Variants in PCDHA6 observed in about 807,000 individuals in gnomAD.
The protein encoded by PCDHA6 is protocadherin alpha 6.
PCDHA6 carries 55 observed loss-of-function variants against 60.3 expected under a neutral mutation model. That is an observed-to-expected ratio of 0.91 (90% CI 0.73 to 1.14). The LOEUF (loss-of-function observed/expected upper bound fraction) is 1.14. PCDHA6 is among the 50% of genes most tolerant of loss of function. PCDHA6 has a pLI of 0.00. For missense variants in PCDHA6, 1,327 were observed against 1,256.5 expected, an observed-to-expected ratio of 1.06 and a Z score of -0.85; for synonymous variants, 652 against 557.9, an observed-to-expected ratio of 1.17 and a Z score of -2.38.
At chr5:140,852,612 C>T (rs1177069451) in intron 1 of PCDHA6, 3 of 914,508 alleles carry the variant, frequency 3.3e-6, no homozygotes, top group Non-Finnish European at 4.0e-6. Context: ...TCTTTCAAAA[C>T]TTGAGTGGTC....
chr5:141,006,206 A>AT (rs1178693799), intron 3 of PCDHA6, among the ~76,000 whole-genome samples: 16 of 147,954 alleles, frequency 1.1e-4, no homozygotes, highest in East Asian at 5.9e-4. Context: ...GTTATGCCTC[A>AT]TTTTTTTTTA....
At chr5:140,894,403 T>C (rs1442623931) in intron 1 of PCDHA6, among the ~76,000 whole-genome samples, 3 of 152,046 alleles carry the variant, frequency 2.0e-5, no homozygotes, top group Non-Finnish European at 4.4e-5. Context: ...TTCTTTGCTT[T>C]TCTTTTGTAG....
intron 1 of PCDHA6, chr5:140,870,708 C>A (rs781841032): frequency 1.9e-6 from 3 of 1,613,016 alleles, no homozygotes; most frequent in East Asian, 4.5e-5. Context: ...TCCAGGTGAG[C>A]GCGCGCGATG....
intron 3 of PCDHA6, among the ~76,000 whole-genome samples, chr5:140,999,978 G>A (rs980753359): frequency 5.9e-5 from 9 of 151,942 alleles, no homozygotes; most frequent in South Asian, 2.1e-4. Flanking sequence ...CAGCTCTAGC[G>A]GCCTCTGGGT....
chr5:140,843,125 G>A (rs2150353393), intron 1 of PCDHA6: 2 of 1,595,922 alleles, frequency 1.3e-6, no homozygotes, highest in East Asian at 2.2e-5. Flanking sequence ...CGCCGACTCG[G>A]GCTACAACGC....
chr5:140,875,695 C>T (rs782520558), intron 1 of PCDHA6: 4 of 1,613,962 alleles, frequency 2.5e-6, no homozygotes, highest in East Asian at 2.2e-5. Context: ...CGGGGACCTT[C>T]TGGAGGTAAA....
intron 2 of PCDHA6, among the ~76,000 whole-genome samples, chr5:140,979,467 ATTG>A (rs1219222898): frequency 6.6e-6 from 1 of 151,680 alleles, no homozygotes; most frequent in Non-Finnish European, 1.5e-5. Context: ...ATTGATTGCT[ATTG>A]TTGTTTGTGT....
At chr5:140,968,253 C>A (rs782229675) in intron 1 of PCDHA6, 3 of 1,613,908 alleles carry the variant, frequency 1.9e-6, no homozygotes, top group Non-Finnish European at 2.5e-6. Flanking sequence ...GCCACAGACC[C>A]AGATGAAAAG....
chr5:140,927,536 G>A (rs1227240979), intron 1 of PCDHA6: 3 of 1,614,138 alleles, frequency 1.9e-6, no homozygotes, highest in Non-Finnish European at 2.5e-6. Context: ...GCCCGCTCAG[G>A]AGACGCACAA....
rs140124026 is a variant in PCDHA6, at chr5:140,973,683, C to T, written c.2395-5266C>T. On this transcript the variant is annotated intron_variant, in intron 1 of 3. Coordinates refer to ENST00000529310, the MANE Select transcript of PCDHA6 (RefSeq NM_018909.4). ...TTTATTGTAGCTTGAATGTCATTGG[C>T]CTACTGTTTCCTTCTGACCCAGGAG... is the stretch of plus-strand genomic sequence containing the variant. Among the ~76,000 whole-genome samples, 5 of 152,316 alleles carry T rather than the reference C, an allele frequency of 3.3e-5. No homozygotes were observed. The East Asian group carries it at 7.7e-4, about 24-fold the overall frequency.
At chr5:140,985,216 C>T (rs1009954667) in intron 3 of PCDHA6, among the ~76,000 whole-genome samples, 1 of 152,186 alleles carries the variant, frequency 6.6e-6, no homozygotes, top group South Asian at 2.1e-4. Context: ...GGATTACAGG[C>T]GTGAGCCACC....
At chr5:141,008,367 G>A (rs2098373101) in intron 3 of PCDHA6, among the ~76,000 whole-genome samples, 1 of 152,144 alleles carries the variant, frequency 6.6e-6, no homozygotes, top group African/African-American at 2.4e-5. Flanking sequence ...AAGGAGCAGT[G>A]TTAGATACAT....
chr5:141,003,684 A>C (rs1425078507), intron 3 of PCDHA6, among the ~76,000 whole-genome samples: 1 of 152,240 alleles, frequency 6.6e-6, no homozygotes, highest in Non-Finnish European at 1.5e-5. Flanking sequence ...TTCTGATTTT[A>C]AAATATATCC....
At chr5:140,857,399 G>C (rs375062704) in intron 1 of PCDHA6, 4 of 1,598,394 alleles carry the variant, frequency 2.5e-6, no homozygotes, top group Admixed American at 3.4e-5. Flanking sequence ...GAACGACAAC[G>C]CGCCTGCGTT....
At chr5:140,925,941 G>A (rs1311329302) in intron 1 of PCDHA6, among the ~76,000 whole-genome samples, 2 of 138,504 alleles carry the variant, frequency 1.4e-5, no homozygotes, top group South Asian at 2.1e-4. Flanking sequence ...GAGCCTCTTG[G>A]AGAAGGAGAA....
In PCDHA6 at chr5:140,882,301, G is replaced by A. The variant is rs145574763; in HGVS notation, c.2394+51816G>A. 188 of 1,613,800 alleles carry A rather than the reference G, an allele frequency of 1.2e-4. No homozygotes were observed. In the African/African-American group the frequency reaches 2.1e-3, roughly 18 times the overall value. Reference sequence around the variant, plus strand: ...CTTCCTGGCAAGGAGGCCCAAGACCGCGGCAACTACTGCTCTGGCTTCTGA... The same window carrying A: ...CTTCCTGGCAAGGAGGCCCAAGACCACGGCAACTACTGCTCTGGCTTCTGA... On this transcript the variant is annotated intron_variant, in intron 1 of 3. Coordinates refer to ENST00000529310, the MANE Select transcript of PCDHA6 (RefSeq NM_018909.4).
At chr5:140,874,008 T>C (rs2054633118) in intron 1 of PCDHA6, among the ~76,000 whole-genome samples, 5 of 152,208 alleles carry the variant, frequency 3.3e-5, no homozygotes. Context: ...CATTGACCAC[T>C]TTTGAAAATG....
At chr5:140,875,636 A>G (rs574545388) in intron 1 of PCDHA6, 3 of 1,613,606 alleles carry the variant, frequency 1.9e-6, no homozygotes, top group African/African-American at 1.3e-5. Context: ...CTGGGGCTGG[A>G]GCTGGCGGAG....
intron 3 of PCDHA6, among the ~76,000 whole-genome samples, chr5:140,994,044 G>C (rs782758789): frequency 9.9e-5 from 15 of 152,240 alleles, no homozygotes; most frequent in Middle Eastern, 3.4e-3. Flanking sequence ...ATATAACACA[G>C]TCCTGCCCTT....
Sources: gnomAD v4.1 joint callset for allele counts (sites outside exome capture counted in the v4.1 genomes callset) on GRCh38, gnomAD v4.1.1 for gene constraint, MANE v1.5 for transcripts, NCBI Gene and HGNC (gene_info 2026-07-23, HGNC 2026-07-21) for gene names.